The following USP32 variants were observed in gnomAD, a reference collection of about 807,000 sequenced individuals.
USP32 encodes ubiquitin specific peptidase 32.
A neutral mutation model predicts 204.8 loss-of-function variants in USP32; 59 were observed. The observed-to-expected ratio is 0.29, with a 90% CI of 0.23 to 0.36. The LOEUF is 0.36. USP32 is among the 10% of genes least tolerant of loss of function. USP32 has a pLI of 1.00. For missense variants in USP32, 1,160 were observed against 1,946.4 expected (o/e 0.60, Z 7.60); for synonymous variants, 517 against 678.4 (o/e 0.76, Z 3.70).
At chr17:60,300,603 G>A (rs1293219277) in intron 3 of USP32, among the ~76,000 whole-genome samples, 3 of 152,094 alleles carry the variant, frequency 2.0e-5, no homozygotes, top group Non-Finnish European at 1.5e-5. Context: ...ATGTTATCAG[G>A]TAAGTAAACT....
At chr17:60,197,287 C>CT (rs2084545266) in intron 27 of USP32, among the ~76,000 whole-genome samples, 1 of 151,934 alleles carries the variant, frequency 6.6e-6, no homozygotes, top group African/African-American at 2.4e-5. Flanking sequence ...AAACAGAACT[C>CT]TCATTTGTAC....
chr17:60,410,284 A>G (rs1220857651), intron 1 of USP32, among the ~76,000 whole-genome samples: 1 of 152,126 alleles, frequency 6.6e-6, no homozygotes, highest in Non-Finnish European at 1.5e-5. Context: ...CAGTGCAGGA[A>G]GACAGCTTTG....
At chr17:60,312,330 T>C (rs939763431) in intron 2 of USP32, among the ~76,000 whole-genome samples, 1 of 152,228 alleles carries the variant, frequency 6.6e-6, no homozygotes, top group Non-Finnish European at 1.5e-5. Context: ...AACTGCTTGA[T>C]TAATTCATCA....
chr17:60,417,469 T>G (rs79950654), intron 1 of USP32, among the ~76,000 whole-genome samples: 20,998 of 151,414 alleles, frequency 0.14, 3,105 homozygotes, highest in African/African-American at 0.37. Context: ...TTTTTTTTTT[T>G]TGTGACAGAG....
At position 60,241,971 on chromosome 17, in the gene USP32, G is replaced by A. The variant is rs191853818; in HGVS notation, c.1137-5731C>T. Among the ~76,000 whole-genome samples, 13 of 152,124 alleles carry A rather than the reference G, an allele frequency of 8.5e-5. No individual in the cohort carries two copies. The East Asian group carries it at 2.1e-3, about 25-fold the overall frequency. ...CAAATCACAAAGATTTTCTACATTT[G>A]CTTTTCTAGAAGTGTTATATTTTTA... On this transcript the variant is annotated intron_variant, in intron 11 of 33. Transcript: ENST00000300896.
intron 1 of USP32, among the ~76,000 whole-genome samples, chr17:60,368,980 T>C (rs2089376105): frequency 6.8e-6 from 1 of 147,412 alleles, no homozygotes; most frequent in South Asian, 2.1e-4. Flanking sequence ...ACACGAATTA[T>C]TTTTTAAAAG....
chr17:60,221,538 T>G (rs554074342), intron 15 of USP32, among the ~76,000 whole-genome samples: 8 of 151,072 alleles, frequency 5.3e-5, no homozygotes, highest in African/African-American at 1.9e-4. Flanking sequence ...GGAATCTCGC[T>G]CTGTCACCCA....
rs377476435 is a variant in USP32 at position 60,351,695 on chromosome 17, T to C, written c.59-6087A>G. On this transcript the variant is annotated intron_variant, in intron 1 of 33. Coordinates refer to ENST00000300896, the MANE Select transcript of USP32 (RefSeq NM_032582.4). ...CACCTCCCTCGGCCTCGCAAAGTGC[T>C]GGGATTACAGGCGTGAGCCACCAAG... 1.3e-3 allele frequency among the ~76,000 whole-genome samples: 204 copies of C among 152,362 alleles called. 1 individual carries two copies. Among genetic ancestry groups the C allele is most frequent in the African/African-American group, 4.5e-3 (188 of 41,592 alleles).
chr17:60,362,145 G>T (rs984819297), intron 1 of USP32, among the ~76,000 whole-genome samples: 11 of 152,068 alleles, frequency 7.2e-5, no homozygotes, highest in Non-Finnish European at 1.3e-4. Flanking sequence ...TGCCCCATCT[G>T]CCACTACTTC....
Position 60,219,733 on chromosome 17 carries a change from G to A in USP32, c.1804C>T (p.Leu602Phe). The A allele has an allele frequency of 6.2e-7, 1 of 1,613,388 alleles. No homozygotes were observed. The stretch of plus-strand genomic sequence containing the variant: ...GCAGGCTGCTGTCTCAGGAAGAGAA[G>A]ATAGCGGGGAAATAATTCCAGCTCT... ...IPELELFPRYLLFLRQQPATR... is the reference protein window; with the variant it reads ...IPELELFPRYFLFLRQQPATR... The change falls in exon 16 of 34, where the codon CTT (leucine) becomes TTT (phenylalanine). Residue 602 changes from leucine (L) to phenylalanine (F), a missense_variant. Coordinates refer to ENST00000300896, the MANE Select transcript of USP32 (RefSeq NM_032582.4).
chr17:60,410,530 TG>T (rs1363211582), intron 1 of USP32, among the ~76,000 whole-genome samples: 3 of 151,940 alleles, frequency 2.0e-5, no homozygotes, highest in African/African-American at 7.3e-5. Flanking sequence ...TAGCTGGGCG[TG>T]GTGGCAGGCA....
At chr17:60,407,868 C>T (rs921218983) in intron 1 of USP32, among the ~76,000 whole-genome samples, 26 of 150,266 alleles carry the variant, frequency 1.7e-4, no homozygotes, top group Non-Finnish European at 3.2e-4. Context: ...GAGGCCAAGG[C>T]AGGCGGATTG....
chr17:60,316,916 C>T (rs955657107), intron 2 of USP32, among the ~76,000 whole-genome samples: 1 of 151,998 alleles, frequency 6.6e-6, no homozygotes, highest in Non-Finnish European at 1.5e-5. Context: ...AAACATTATG[C>T]TAAGTGAAAT....
intron 5 of USP32, among the ~76,000 whole-genome samples, chr17:60,285,168 G>A (rs1241619083): frequency 6.6e-6 from 1 of 152,052 alleles, no homozygotes; most frequent in Non-Finnish European, 1.5e-5. Flanking sequence ...ACAATCACAA[G>A]TAAAAGTGAA....
intron 13 of USP32, among the ~76,000 whole-genome samples, chr17:60,224,390 A>C (rs1292205437): frequency 1.3e-5 from 2 of 152,224 alleles, no homozygotes; most frequent in Admixed American, 6.5e-5. Flanking sequence ...CCAGAAAGGG[A>C]GGGAAGAAGC....
intron 2 of USP32, among the ~76,000 whole-genome samples, chr17:60,345,155 A>G (rs1373730392): frequency 1.3e-5 from 2 of 152,194 alleles, no homozygotes; most frequent in Non-Finnish European, 2.9e-5. Context: ...TTTATAAAAC[A>G]TATTTGCAAC....
intron 11 of USP32, among the ~76,000 whole-genome samples, chr17:60,238,803 C>CAAAAA (rs562875704): frequency 2.1e-5 from 2 of 95,758 alleles, no homozygotes; most frequent in Non-Finnish European, 4.3e-5. Flanking sequence ...GACTCCATCT[C>CAAAAA]AAAAAAAAAA....
chr17:60,286,037 A>G (rs113390027), intron 5 of USP32, among the ~76,000 whole-genome samples: 6,691 of 151,816 alleles, frequency 0.044, 533 homozygotes, highest in African/African-American at 0.15. Context: ...TTGGGAGGCT[A>G]AGGCAAGAGA....
chr17:60,249,783 G>T, intron 11 of USP32: 1 of 699,620 alleles, frequency 1.4e-6, no homozygotes, highest in Non-Finnish European at 2.6e-6. Flanking sequence ...ATTTTGTTCA[G>T]TTTTTTAAGT....
Sources: gnomAD v4.1 joint callset for allele counts (sites outside exome capture counted in the v4.1 genomes callset) on GRCh38, gnomAD v4.1.1 for gene constraint, MANE v1.5 for transcripts, NCBI Gene and HGNC (gene_info 2026-07-23, HGNC 2026-07-21) for gene names.